The following STX8 variants were observed in gnomAD, a reference collection of about 807,000 sequenced individuals.
STX8 encodes the protein syntaxin-8.
STX8 carries 23 observed loss-of-function variants against 37.5 expected under a neutral mutation model. The observed-to-expected ratio is 0.61, with a 90% CI of 0.44 to 0.87. STX8 has a LOEUF of 0.87. Ranked by LOEUF, STX8 falls within the 40% of genes least tolerant of loss-of-function variation. The pLI is 0.00. For synonymous variants in STX8, 115 were observed against 99.1 expected (o/e 1.16, Z -0.95); for missense variants, 313 against 284.7 (o/e 1.10, Z -0.71).
chr17:9,409,701 C>A (rs1253655477), intron 6 of STX8, among the ~76,000 whole-genome samples: 1 of 152,086 alleles, frequency 6.6e-6, no homozygotes, highest in African/African-American at 2.4e-5. Context: ...GTAATGCAGG[C>A]AAAAACCATA....
intron 2 of STX8, 96 bp downstream of exon 2, chr17:9,568,275 A>G (rs1416867351): frequency 6.0e-6 from 5 of 830,464 alleles, no homozygotes; most frequent in Non-Finnish European, 9.5e-6. Context: ...ATCATCATAC[A>G]CACATGTGCA....
At chr17:9,390,824 G>A (rs111930899) in intron 6 of STX8, among the ~76,000 whole-genome samples, 18,025 of 131,226 alleles carry the variant, frequency 0.14, 1,606 homozygotes, top group Non-Finnish European at 0.19. Context: ...GCGACAGAGC[G>A]AGACTCCGTC....
chr17:9,443,942 C>T (rs1422713238), intron 6 of STX8, among the ~76,000 whole-genome samples: 1 of 152,186 alleles, frequency 6.6e-6, no homozygotes, highest in Non-Finnish European at 1.5e-5. Flanking sequence ...TTCCACTTTG[C>T]CTGGCCCTTT....
intron 7 of STX8, among the ~76,000 whole-genome samples, chr17:9,359,651 G>T (rs892960854): frequency 1.3e-5 from 2 of 151,634 alleles, no homozygotes; most frequent in African/African-American, 2.4e-5. Context: ...GGGACTACAA[G>T]CGCCGACCAC....
chr17:9,390,837 A>AG (rs1491558911), intron 6 of STX8, among the ~76,000 whole-genome samples: 1 of 23,898 alleles, frequency 4.2e-5, no homozygotes, highest in Non-Finnish European at 9.7e-5. Flanking sequence ...ACTCCGTCTC[A>AG]AAAAAAAAAA....
intron 6 of STX8, among the ~76,000 whole-genome samples, chr17:9,446,622 T>C (rs565169532): frequency 5.9e-5 from 9 of 152,184 alleles, no homozygotes; most frequent in African/African-American, 2.2e-4. Context: ...TAGTAGTTAA[T>C]GATGAGGAGA....
chr17:9,327,752 T>C (rs939420217), intron 7 of STX8, among the ~76,000 whole-genome samples: 1 of 152,182 alleles, frequency 6.6e-6, no homozygotes, highest in Non-Finnish European at 1.5e-5. Context: ...CACGGCTCAC[T>C]GCAGCCTCCA....
At chr17:9,385,859 C>T (rs998597694) in intron 6 of STX8, among the ~76,000 whole-genome samples, 1 of 152,170 alleles carries the variant, frequency 6.6e-6, no homozygotes, top group South Asian at 2.1e-4. Flanking sequence ...CTGCAACCTC[C>T]GCTTCCGAGT....
intron 7 of STX8, among the ~76,000 whole-genome samples, chr17:9,356,626 G>C (rs1597622095): frequency 6.6e-6 from 1 of 152,330 alleles, no homozygotes; most frequent in African/African-American, 2.4e-5. Context: ...AAAGCAAGAA[G>C]AGGGGTGAGG....
rs1912063604 is a variant in STX8 at position 9,387,675 on chromosome 17, G to C, written c.542-9022C>G. Among the ~76,000 whole-genome samples the C allele has an allele frequency of 2.0e-5, 3 of 152,184 alleles. No individual in the cohort carries two copies. The South Asian group carries it at 6.2e-4, about 31-fold the overall frequency. On this transcript the variant is annotated intron_variant, in intron 6 of 7. Transcript: ENST00000306357. Reference sequence around the variant, plus strand: ...ACAATCATGCTTTGTACTTGGCCTTGTAGTTGACTCTGAGCTTGGTACACT... The same window carrying C: ...ACAATCATGCTTTGTACTTGGCCTTCTAGTTGACTCTGAGCTTGGTACACT...
intron 4 of STX8, among the ~76,000 whole-genome samples, chr17:9,538,353 A>C (rs775324978): frequency 6.6e-6 from 1 of 152,218 alleles, no homozygotes; most frequent in Non-Finnish European, 1.5e-5. Flanking sequence ...AAGCAATGTG[A>C]AGTATAAATC....
chr17:9,520,077 C>T (rs952891761), intron 4 of STX8, among the ~76,000 whole-genome samples: 28 of 152,160 alleles, frequency 1.8e-4, no homozygotes, highest in African/African-American at 6.0e-4. Flanking sequence ...TTTATATCCC[C>T]AGGACCAAAA....
intron 7 of STX8, among the ~76,000 whole-genome samples, chr17:9,334,633 G>C (rs1285126170): frequency 6.6e-6 from 1 of 152,090 alleles, no homozygotes; most frequent in African/African-American, 2.4e-5. Context: ...GAATAAAAAA[G>C]ACAATACATG....
intron 5 of STX8, among the ~76,000 whole-genome samples, chr17:9,502,798 CTATAA>C (rs1404961195): frequency 6.6e-6 from 1 of 152,088 alleles, no homozygotes; most frequent in East Asian, 1.9e-4. Flanking sequence ...GAATACAAAT[CTATAA>C]TATAAGAGTG....
At chr17:9,519,145 TA>T (rs1225375109) in intron 4 of STX8, among the ~76,000 whole-genome samples, 1 of 152,162 alleles carries the variant, frequency 6.6e-6, no homozygotes, top group Non-Finnish European at 1.5e-5. Flanking sequence ...ATCACGGTGC[TA>T]AACAGACTTA....
At chr17:9,369,886 C>CAAAAAAAAAAAAAAAAAAAA (rs60178482) in intron 7 of STX8, among the ~76,000 whole-genome samples, 5 of 52,142 alleles carry the variant, frequency 9.6e-5, no homozygotes, top group East Asian at 7.6e-4. Context: ...GACCCTGTAC[C>CAAAAAAAAAAAAAAAAAAAA]AAAAAAAAAA....
At chr17:9,355,081 C>T (rs1910832308) in intron 7 of STX8, among the ~76,000 whole-genome samples, 1 of 152,144 alleles carries the variant, frequency 6.6e-6, no homozygotes, top group South Asian at 2.1e-4. Context: ...ACTGGGTGCT[C>T]TGAAATTTCA....
At chr17:9,489,689 T>TC (rs1475892123) in intron 6 of STX8, among the ~76,000 whole-genome samples, 8 of 93,316 alleles carry the variant, frequency 8.6e-5, no homozygotes, top group African/African-American at 3.1e-4. Context: ...AAGCTTACTT[T>TC]CCTTTTTTTT....
chr17:9,416,021 C>A (rs1029572872), intron 6 of STX8, among the ~76,000 whole-genome samples: 1 of 152,174 alleles, frequency 6.6e-6, no homozygotes, highest in Non-Finnish European at 1.5e-5. Context: ...TTATAATGAA[C>A]CCCACTTGGG....
Sources: gnomAD v4.1 joint callset for allele counts (sites outside exome capture counted in the v4.1 genomes callset) on GRCh38, gnomAD v4.1.1 for gene constraint, MANE v1.5 for transcripts, NCBI Gene and HGNC (gene_info 2026-07-23, HGNC 2026-07-21) for gene names.